The following PRKCH variants were observed in gnomAD, a reference collection of about 807,000 sequenced individuals.
PRKCH encodes the protein protein kinase C eta type.
PRKCH carries 28 observed loss-of-function variants against 82.5 expected under a neutral mutation model. The observed-to-expected ratio is 0.34, with a 90% CI of 0.25 to 0.47. The LOEUF is 0.47. Among genes scored for constraint, PRKCH ranks in the 20% least tolerant of loss-of-function variants. The pLI is 1.00. For missense variants in PRKCH, 705 were observed against 881.8 expected (o/e 0.80, Z 2.54); for synonymous variants, 322 against 327.4 (o/e 0.98, Z 0.18).
intron 2 of PRKCH, among the ~76,000 whole-genome samples, chr14:61,423,836 AT>A (rs1275244424): frequency 1.3e-5 from 2 of 152,150 alleles, no homozygotes; most frequent in Non-Finnish European, 2.9e-5. Context: ...AAGGTCATGA[AT>A]TTTTAAATAT....
At chr14:61,384,831 A>G (rs1485041063) in intron 1 of PRKCH, among the ~76,000 whole-genome samples, 1 of 152,100 alleles carries the variant, frequency 6.6e-6, no homozygotes, top group Non-Finnish European at 1.5e-5. Context: ...AGTAGAAACA[A>G]CATAGAGAAC....
intron 1 of PRKCH, among the ~76,000 whole-genome samples, chr14:61,209,859 C>T (rs989244238): frequency 6.6e-6 from 1 of 151,968 alleles, no homozygotes; most frequent in South Asian, 2.1e-4. Context: ...ATCTTTATGT[C>T]CATGTGCACC....
chr14:61,521,491 A>G (rs185973510), intron 10 of PRKCH, among the ~76,000 whole-genome samples: 1 of 152,134 alleles, frequency 6.6e-6, no homozygotes, highest in South Asian at 2.1e-4. Flanking sequence ...AGAGATTGAG[A>G]ATTTAACCTG....
At chr14:61,248,113 G>C (rs184001507) in intron 1 of PRKCH, among the ~76,000 whole-genome samples, 2 of 152,240 alleles carry the variant, frequency 1.3e-5, no homozygotes, top group African/African-American at 4.8e-5. Flanking sequence ...CAGTTCTCAT[G>C]AGTTATATCC....
At chr14:61,376,187 G>T (rs2046426335) in intron 1 of PRKCH, among the ~76,000 whole-genome samples, 1 of 152,192 alleles carries the variant, frequency 6.6e-6, no homozygotes, top group Non-Finnish European at 1.5e-5. Flanking sequence ...TACTCAGAAG[G>T]TGGTTGTGAA....
At chr14:61,468,093 G>A (rs1461941139) in intron 9 of PRKCH, among the ~76,000 whole-genome samples, 2 of 152,214 alleles carry the variant, frequency 1.3e-5, no homozygotes, top group African/African-American at 4.8e-5. Flanking sequence ...CATTAGACGG[G>A]AATAGAGGCA....
chr14:61,206,835 G>A (rs2044528090), intron 1 of PRKCH, among the ~76,000 whole-genome samples: 3 of 151,746 alleles, frequency 2.0e-5, no homozygotes, highest in African/African-American at 4.8e-5. Context: ...GGTGGGGCAC[G>A]GTGGCTCATG....
At chr14:61,209,193 C>T (rs1016593456) in intron 1 of PRKCH, among the ~76,000 whole-genome samples, 5 of 151,864 alleles carry the variant, frequency 3.3e-5, no homozygotes, top group Admixed American at 3.3e-4. Flanking sequence ...CGGTGCTATG[C>T]TCTTGGACTT....
At chr14:61,222,313 T>C (rs2044662214) in intron 1 of PRKCH, among the ~76,000 whole-genome samples, 1 of 152,262 alleles carries the variant, frequency 6.6e-6, no homozygotes, top group Non-Finnish European at 1.5e-5. Flanking sequence ...ACTTTAGTTC[T>C]GTTATCCCTA....
At chr14:61,223,455 G>A (rs886532576) in intron 1 of PRKCH, among the ~76,000 whole-genome samples, 1 of 152,090 alleles carries the variant, frequency 6.6e-6, no homozygotes, top group Non-Finnish European at 1.5e-5. Context: ...GCTGAGATGA[G>A]CCCAGCACAA....
chr14:61,493,321 G>A (rs1233211123), intron 10 of PRKCH, among the ~76,000 whole-genome samples: 6 of 152,172 alleles, frequency 3.9e-5, no homozygotes, highest in African/African-American at 1.4e-4. Flanking sequence ...TCACGTCCTT[G>A]TCTAAATGGT....
At chr14:61,269,486 G>A (rs1238478996) in intron 1 of PRKCH, among the ~76,000 whole-genome samples, 2 of 152,050 alleles carry the variant, frequency 1.3e-5, no homozygotes, top group African/African-American at 4.8e-5. Flanking sequence ...GTATCCATTG[G>A]CTATTTTTCC....
intron 2 of PRKCH, among the ~76,000 whole-genome samples, chr14:61,422,241 G>A (rs2140246885): frequency 6.6e-6 from 1 of 152,162 alleles, no homozygotes; most frequent in African/African-American, 2.4e-5. Flanking sequence ...GTACTACCAT[G>A]CCCAGCTAAA....
At chr14:61,297,616 C>G (rs1330568189) in intron 1 of PRKCH, among the ~76,000 whole-genome samples, 1 of 152,200 alleles carries the variant, frequency 6.6e-6, no homozygotes, top group Non-Finnish European at 1.5e-5. Flanking sequence ...ATTAGATTCT[C>G]ATAAGGAATG....
chr14:61,407,856 G>T (rs769725168), intron 2 of PRKCH, among the ~76,000 whole-genome samples: 3 of 152,170 alleles, frequency 2.0e-5, no homozygotes, highest in Admixed American at 6.5e-5. Context: ...GCTGAAATCA[G>T]CCTGCAGACC....
chr14:61,323,550 CAGAT>C (rs1354245263), intron 1 of PRKCH, among the ~76,000 whole-genome samples: 3 of 152,258 alleles, frequency 2.0e-5, no homozygotes, highest in Non-Finnish European at 4.4e-5. Context: ...GTGGTGAAAT[CAGAT>C]GGATGGTGAT....
At chr14:61,515,661 C>A (rs1025723887) in intron 10 of PRKCH, among the ~76,000 whole-genome samples, 2 of 152,162 alleles carry the variant, frequency 1.3e-5, no homozygotes, top group East Asian at 3.8e-4. Context: ...TATGACCCAT[C>A]TGGCTTTGGC....
At chr14:61,407,986 C>G (rs1170288865) in intron 2 of PRKCH, among the ~76,000 whole-genome samples, 1 of 152,218 alleles carries the variant, frequency 6.6e-6, no homozygotes, top group Non-Finnish European at 1.5e-5. Flanking sequence ...CCTCTGAATT[C>G]ACACCTCTAT....
At chr14:61,493,951 C>T (rs1731743747) in intron 10 of PRKCH, among the ~76,000 whole-genome samples, 1 of 151,790 alleles carries the variant, frequency 6.6e-6, no homozygotes, top group African/African-American at 2.4e-5. Context: ...AAATCATTTC[C>T]AGGTGTTTAG....
Sources: allele counts gnomAD v4.1 joint callset (sites outside exome capture counted in the v4.1 genomes callset), GRCh38; gene constraint gnomAD v4.1.1; transcripts MANE v1.5; gene names NCBI Gene and HGNC (gene_info 2026-07-23, HGNC 2026-07-21).